Variants in SLC9D1 observed in about 807,000 individuals in gnomAD.
SLC9D1 encodes solute carrier family 9 member D1.
At chr13:113,504,568 G>C in the SLC9D1 span, 10 of 152,324 alleles carry the variant, frequency 6.6e-5, no homozygotes, top group East Asian at 1.9e-4. Flanking sequence ...CTCCCGCTTA[G>C]GAGTGAGATC....
At chr13:113,545,570 C>A in the SLC9D1 span, among the ~76,000 whole-genome samples, 1 of 152,224 alleles carries the variant, frequency 6.6e-6, no homozygotes, top group Admixed American at 6.5e-5. Flanking sequence ...TCCCCCCACC[C>A]CCACTCCGCC....
chr13:113,521,104 C>T, the SLC9D1 span, among the ~76,000 whole-genome samples: 6 of 151,672 alleles, frequency 4.0e-5, no homozygotes, highest in African/African-American at 1.2e-4. Context: ...TATGTGTGCA[C>T]GGGGAGGGAG....
At chr13:113,494,470 G>T in the SLC9D1 span, among the ~76,000 whole-genome samples, 1 of 152,002 alleles carries the variant, frequency 6.6e-6, no homozygotes, top group Non-Finnish European at 1.5e-5. Flanking sequence ...TGGACACCAC[G>T]GCTACAGCCG....
chr13:113,509,433 GT>G, the SLC9D1 span, among the ~76,000 whole-genome samples: 10,774 of 116,854 alleles, frequency 0.092, 1,023 homozygotes, highest in African/African-American at 0.19. Flanking sequence ...TGGTGGGTGG[GT>G]CCCCCCTGGA....
chr13:113,515,007 C>T, the SLC9D1 span, among the ~76,000 whole-genome samples: 5 of 152,208 alleles, frequency 3.3e-5, no homozygotes, highest in Admixed American at 1.3e-4. Context: ...CATGAGCCAC[C>T]GCACCTGGCC....
chr13:113,543,535 CCG>C, the SLC9D1 span, among the ~76,000 whole-genome samples: 1 of 37,040 alleles, frequency 2.7e-5, no homozygotes, highest in African/African-American at 1.5e-4. Flanking sequence ...CTTCCTCCCC[CCG>C]TGCCCCCAAC....
the SLC9D1 span, among the ~76,000 whole-genome samples, chr13:113,513,297 G>A: frequency 6.6e-6 from 1 of 152,308 alleles, no homozygotes; most frequent in South Asian, 2.1e-4. Context: ...TTTCTGATGT[G>A]CAAAGACCCC....
chr13:113,536,009 A>G, the SLC9D1 span, among the ~76,000 whole-genome samples: 4 of 152,230 alleles, frequency 2.6e-5, no homozygotes, highest in Admixed American at 2.0e-4. Flanking sequence ...AGATGTTACC[A>G]TTGGGGAAAC....
the SLC9D1 span, among the ~76,000 whole-genome samples, chr13:113,542,668 G>A: frequency 2.0e-5 from 3 of 152,210 alleles, no homozygotes; most frequent in Non-Finnish European, 4.4e-5. Flanking sequence ...GCCTGGAGTA[G>A]TGATTTGAGA....
At chr13:113,523,809 T>C in the SLC9D1 span, among the ~76,000 whole-genome samples, 2 of 152,252 alleles carry the variant, frequency 1.3e-5, no homozygotes, top group African/African-American at 4.8e-5. Flanking sequence ...TATTTTGATA[T>C]GTTGTATTTT....
At chr13:113,548,585 A>AGAGGC in the SLC9D1 span, 1 of 956,458 alleles carries the variant, frequency 1.0e-6, no homozygotes, top group Non-Finnish European at 1.5e-6. Flanking sequence ...GGGGGCACGC[A>AGAGGC]GAGGCCTGGC....
At chr13:113,538,222 A>G in the SLC9D1 span, among the ~76,000 whole-genome samples, 63,755 of 151,636 alleles carry the variant, frequency 0.42, 15,073 homozygotes, top group African/African-American at 0.64. Flanking sequence ...GCATGCATAC[A>G]TATGTGCTTT....
chr13:113,513,572 A>G, the SLC9D1 span, among the ~76,000 whole-genome samples: 1 of 152,222 alleles, frequency 6.6e-6, no homozygotes, highest in Non-Finnish European at 1.5e-5. Context: ...ACAGTTAGAC[A>G]TGTTAAATGT....
the SLC9D1 span, among the ~76,000 whole-genome samples, chr13:113,507,838 C>CGT: frequency 2.5e-4 from 38 of 152,380 alleles, no homozygotes; most frequent in Admixed American, 2.2e-3. Flanking sequence ...GTATAACGTA[C>CGT]GTGTGTGCCT....
the SLC9D1 span, chr13:113,510,319 C>G: frequency 1.9e-6 from 3 of 1,614,174 alleles, no homozygotes; most frequent in Non-Finnish European, 2.5e-6. Context: ...GCATCTCTTG[C>G]GGATCAAACC....
At chr13:113,497,094 G>A in the SLC9D1 span, among the ~76,000 whole-genome samples, 1 of 152,270 alleles carries the variant, frequency 6.6e-6, no homozygotes, top group Non-Finnish European at 1.5e-5. Context: ...CTGTGTGTCA[G>A]ACCTGCAGCT....
At chr13:113,532,613 G>C in the SLC9D1 span, among the ~76,000 whole-genome samples, 2 of 152,174 alleles carry the variant, frequency 1.3e-5, no homozygotes, top group Non-Finnish European at 1.5e-5. Flanking sequence ...GCTGGGCCCA[G>C]GGCCAGACGT....
the SLC9D1 span, among the ~76,000 whole-genome samples, chr13:113,523,743 C>T: frequency 2.6e-5 from 4 of 152,136 alleles, no homozygotes; most frequent in Non-Finnish European, 5.9e-5. Flanking sequence ...ATCTTTTCTA[C>T]TGTAAGCATT....
the SLC9D1 span, among the ~76,000 whole-genome samples, chr13:113,491,695 G>A: frequency 6.6e-6 from 1 of 152,184 alleles, no homozygotes; most frequent in African/African-American, 2.4e-5. Context: ...TGGAACCTGC[G>A]TTCCCACCCT....
Sources: allele counts gnomAD v4.1 joint callset (sites outside exome capture counted in the v4.1 genomes callset), GRCh38; gene constraint gnomAD v4.1.1; transcripts MANE v1.5; gene names NCBI Gene and HGNC (gene_info 2026-07-23, HGNC 2026-07-21).